The following SRRM4 variants were observed in gnomAD, a reference collection of about 807,000 sequenced individuals.
The protein encoded by SRRM4 is serine/arginine repetitive matrix protein 4.
Under a neutral mutation model 68.9 loss-of-function variants are expected in SRRM4, and 33 were observed. The observed-to-expected ratio is 0.48, with a 90% confidence interval of 0.36 to 0.64. The LOEUF (loss-of-function observed/expected upper bound fraction) is 0.64. SRRM4 is among the 30% of genes least tolerant of loss of function. The pLI, the probability that SRRM4 is intolerant of heterozygous loss-of-function variation, is 0.00. For missense variants in SRRM4, 817 were observed against 827.1 expected, an observed-to-expected ratio of 0.99 and a Z score of 0.15; for synonymous variants, 318 against 318.8, an observed-to-expected ratio of 1.00 and a Z score of 0.03.
chr12:119,141,650 G>A (rs553811637), intron 8 of SRRM4, among the ~76,000 whole-genome samples: 3 of 152,250 alleles, frequency 2.0e-5, no homozygotes, highest in South Asian at 2.1e-4. Flanking sequence ...TCAAAGGACC[G>A]GAGAGCAAAC....
At chr12:119,071,135 C>T (rs1953875605) in intron 1 of SRRM4, among the ~76,000 whole-genome samples, 2 of 152,264 alleles carry the variant, frequency 1.3e-5, no homozygotes, top group South Asian at 4.1e-4. Context: ...TTCTTTAGCT[C>T]AAAGTCTGGG....
chr12:119,073,443 T>C, intron 1 of SRRM4, among the ~76,000 whole-genome samples: 1 of 151,990 alleles, frequency 6.6e-6, no homozygotes, highest in Non-Finnish European at 1.5e-5. Flanking sequence ...TTCTTCTTTC[T>C]GAGCCTCCCG....
chr12:119,140,821 G>C (rs1270700458), intron 8 of SRRM4, among the ~76,000 whole-genome samples: 2 of 152,224 alleles, frequency 1.3e-5, no homozygotes, highest in African/African-American at 2.4e-5. Context: ...GGTATCAGGG[G>C]GAATGAGAGA....
chr12:118,984,788 A>C (rs1431765360), intron 1 of SRRM4, among the ~76,000 whole-genome samples: 1 of 152,132 alleles, frequency 6.6e-6, no homozygotes. Flanking sequence ...GTCTGCCTCA[A>C]ATGTCAGAAC....
In SRRM4 at chr12:119,058,081, C is replaced by A. The variant is rs2136020080; in HGVS notation, c.132-44155C>A. Among the ~76,000 whole-genome samples, 5 of 152,290 alleles carry A rather than the reference C, an allele frequency of 3.3e-5. 1 individual carries two copies. The South Asian group carries it at 1.0e-3, about 32-fold the overall frequency. ...TTCCTGGAAGAGGGAACAGTAGGTG[C>A]AAAGCATGTAACTGCCTCATTGCAA... On this transcript the variant is annotated intron_variant, in intron 1 of 12. Transcript: ENST00000267260.
At chr12:119,005,485 C>T (rs1038861972) in intron 1 of SRRM4, among the ~76,000 whole-genome samples, 3 of 152,048 alleles carry the variant, frequency 2.0e-5, no homozygotes, top group Non-Finnish European at 4.4e-5. Flanking sequence ...TTAATCGCTC[C>T]CTAGGTGATC....
intron 1 of SRRM4, among the ~76,000 whole-genome samples, chr12:119,048,509 G>T (rs1029313642): frequency 4.6e-5 from 7 of 152,200 alleles, no homozygotes; most frequent in Admixed American, 1.3e-4. Context: ...GTGTTTAAGA[G>T]CATGGGGAAC....
intron 1 of SRRM4, among the ~76,000 whole-genome samples, chr12:119,093,246 G>A (rs1348870775): frequency 6.6e-6 from 1 of 152,166 alleles, no homozygotes; most frequent in African/African-American, 2.4e-5. Flanking sequence ...GCTCCACCAA[G>A]CAAGGTTTTT....
intron 1 of SRRM4, among the ~76,000 whole-genome samples, 198 bp downstream of exon 1, chr12:118,982,211 TG>T (rs942622186): frequency 6.6e-6 from 1 of 152,198 alleles, no homozygotes; most frequent in Non-Finnish European, 1.5e-5. Flanking sequence ...AGGAATTCTT[TG>T]GGGGAAAGCA....
intron 2 of SRRM4, among the ~76,000 whole-genome samples, chr12:119,112,733 A>G (rs1006954122): frequency 1.3e-5 from 2 of 152,212 alleles, no homozygotes; most frequent in Non-Finnish European, 2.9e-5. Flanking sequence ...GATCTCACTT[A>G]TAAGTGGGAG....
rs1265273431 is a variant in SRRM4, at chr12:119,150,967, C to A, written c.1077-50C>A. ...GGTAGGGAGGTATTCAAACAAGATG[C>A]TCCCAGAGTAGTGGGCAGTCGGTGC... On this transcript the variant is annotated intron_variant, in intron 9 of 12. Coordinates refer to ENST00000267260, the MANE Select transcript of SRRM4 (RefSeq NM_194286.4). The A allele has an allele frequency of 2.6e-6, 4 of 1,565,042 alleles. No individual in the cohort carries two copies. The African/African-American group carries it at 4.1e-5, about 16-fold the overall frequency.
At chr12:119,122,204 C>T (rs959335899) in intron 6 of SRRM4, 84 bp downstream of exon 6, 13 of 889,390 alleles carry the variant, frequency 1.5e-5, no homozygotes, top group Non-Finnish European at 2.2e-5. Context: ...CTTAGAGTTG[C>T]CAAATAAACA....
chr12:119,107,869 T>C lies in SRRM4; in HGVS notation c.278+5487T>C, dbSNP rs572614167. 2.0e-4 allele frequency among the ~76,000 whole-genome samples: 31 copies of C among 152,298 alleles called. 1 individual carries two copies. The East Asian group carries it at 5.2e-3, about 26-fold the overall frequency. On this transcript the variant is annotated intron_variant, in intron 2 of 12. Transcript: ENST00000267260. ...TGCCTTCTGCTAGCTTTTGAATGTG[T>C]TTGCTCTTGCTTCTCTAGTTCTTTT...
chr12:119,145,801 G>T, intron 9 of SRRM4, 116 bp downstream of exon 9: 1 of 977,774 alleles, frequency 1.0e-6, no homozygotes, highest in Non-Finnish European at 1.4e-6. Context: ...TTGTAAGAGA[G>T]ATGAAACTCA....
chr12:119,115,606 A>T (rs1481395068), intron 3 of SRRM4, among the ~76,000 whole-genome samples: 2 of 152,224 alleles, frequency 1.3e-5, no homozygotes, highest in African/African-American at 2.4e-5. Flanking sequence ...GCCAGGGGGA[A>T]ATATGGATGA....
chr12:119,118,102 C>T (rs1592904788), intron 4 of SRRM4, among the ~76,000 whole-genome samples: 1 of 152,144 alleles, frequency 6.6e-6, no homozygotes, highest in East Asian at 1.9e-4. Flanking sequence ...TCCCCTGGAG[C>T]TGAGGAGTTG....
intron 1 of SRRM4, among the ~76,000 whole-genome samples, chr12:119,075,722 A>G (rs1953907103): frequency 6.7e-6 from 1 of 150,174 alleles, no homozygotes; most frequent in African/African-American, 2.5e-5. Flanking sequence ...GATGTTGATG[A>G]TGGTGGTGAT....
chr12:119,071,921 C>A (rs1263500603), intron 1 of SRRM4, among the ~76,000 whole-genome samples: 1 of 152,156 alleles, frequency 6.6e-6, no homozygotes, highest in Non-Finnish European at 1.5e-5. Flanking sequence ...ACAGTCCATG[C>A]CCATGAATTA....
rs1458806089 is a variant in SRRM4, at chr12:119,023,845, C to T, written c.131+41832C>T. Among the ~76,000 whole-genome samples, 4 of 152,122 alleles carry T rather than the reference C, an allele frequency of 2.6e-5. No homozygotes were observed. The East Asian group carries it at 5.8e-4, about 22-fold the overall frequency. The stretch of plus-strand genomic sequence containing the variant: ...CCCAACATATAATAGGTGCTCAATA[C>T]GTATTCCAATAGATAAATACTGTTC... On this transcript the variant is annotated intron_variant, in intron 1 of 12. Transcript: ENST00000267260.
Sources: gnomAD v4.1 joint callset for allele counts (sites outside exome capture counted in the v4.1 genomes callset) on GRCh38, gnomAD v4.1.1 for gene constraint, MANE v1.5 for transcripts, NCBI Gene and HGNC (gene_info 2026-07-23, HGNC 2026-07-21) for gene names.